Variants in ELOVL5 observed in about 807,000 individuals in gnomAD.
The protein encoded by ELOVL5 is very long chain fatty acid elongase 5.
In ELOVL5, 8 loss-of-function variants were observed where a neutral mutation model predicts 38.6. The observed-to-expected ratio is 0.21, with a 90% CI of 0.12 to 0.37. The LOEUF is 0.37. Ranked by LOEUF, ELOVL5 falls within the 10% of genes least tolerant of loss-of-function variation. The pLI is 1.00. For synonymous variants in ELOVL5, 127 were observed against 133.7 expected (o/e 0.95, Z 0.34); for missense variants, 280 against 367.8 (o/e 0.76, Z 1.95).
chr6:53,304,291 C>A (rs2127579245), intron 1 of ELOVL5, among the ~76,000 whole-genome samples: 1 of 152,312 alleles, frequency 6.6e-6, no homozygotes, highest in South Asian at 2.1e-4. Context: ...GGAAAACTTT[C>A]TCAGTGCTAG....
At chr6:53,284,053 C>T (rs114335749) in intron 3 of ELOVL5, among the ~76,000 whole-genome samples, 1,755 of 151,256 alleles carry the variant, frequency 0.012, 33 homozygotes, top group African/African-American at 0.039. Context: ...CGCCTGTAAT[C>T]CTAGTGCTTT....
intron 1 of ELOVL5, among the ~76,000 whole-genome samples, chr6:53,334,982 C>CTAGCAGCTAGCA (rs1223878048): frequency 4.6e-5 from 7 of 152,200 alleles, no homozygotes; most frequent in Non-Finnish European, 8.8e-5. Flanking sequence ...TGGTGCTGCT[C>CTAGCAGCTAGCA]CACAGCTAGC....
At chr6:53,280,677 C>A (rs1766315454) in intron 3 of ELOVL5, among the ~76,000 whole-genome samples, 1 of 152,206 alleles carries the variant, frequency 6.6e-6, no homozygotes, top group African/African-American at 2.4e-5. Context: ...ACTGCAACCT[C>A]CACTTCCTGG....
At chr6:53,296,637 T>C (rs1270319874) in intron 1 of ELOVL5, among the ~76,000 whole-genome samples, 1 of 152,204 alleles carries the variant, frequency 6.6e-6, no homozygotes, top group Non-Finnish European at 1.5e-5. Flanking sequence ...TATTTTCACT[T>C]AATAAAACAT....
intron 1 of ELOVL5, among the ~76,000 whole-genome samples, chr6:53,331,356 A>T (rs1160051118): frequency 6.6e-6 from 1 of 152,224 alleles, no homozygotes; most frequent in African/African-American, 2.4e-5. Flanking sequence ...TTTTTAAATG[A>T]TAAAAAGTAC....
intron 2 of ELOVL5, among the ~76,000 whole-genome samples, chr6:53,295,400 A>G (rs1027281743): frequency 6.6e-6 from 1 of 152,218 alleles, no homozygotes; most frequent in Non-Finnish European, 1.5e-5. Flanking sequence ...TGAAATCTAT[A>G]GTATTCTCAG....
intron 1 of ELOVL5, among the ~76,000 whole-genome samples, chr6:53,341,902 C>A (rs376794742): frequency 2.3e-4 from 35 of 152,280 alleles, no homozygotes; most frequent in African/African-American, 7.9e-4. Flanking sequence ...AGGATTATCA[C>A]CTTCCAAGTT....
chr6:53,290,296 T>C (rs1766725604), intron 3 of ELOVL5: 1 of 152,282 alleles, frequency 6.6e-6, no homozygotes, highest in Admixed American at 6.5e-5. Flanking sequence ...AATATTTTTC[T>C]CTATTAATAT....
chr6:53,342,839 C>T, intron 1 of ELOVL5, among the ~76,000 whole-genome samples: 1 of 152,174 alleles, frequency 6.6e-6, no homozygotes, highest in Non-Finnish European at 1.5e-5. Flanking sequence ...CTGTACTTCA[C>T]ACAGAACTGG....
At chr6:53,348,139 C>T (rs1045198015) in intron 1 of ELOVL5, among the ~76,000 whole-genome samples, 1 of 152,104 alleles carries the variant, frequency 6.6e-6, no homozygotes, top group Admixed American at 6.5e-5. Flanking sequence ...TTCCCACCAG[C>T]CTCATCCCTC....
chr6:53,340,091 A>T (rs1287312089), intron 1 of ELOVL5, among the ~76,000 whole-genome samples: 2 of 152,208 alleles, frequency 1.3e-5, no homozygotes, highest in African/African-American at 4.8e-5. Context: ...GAATAAGGAT[A>T]CGAAGAAATA....
intron 1 of ELOVL5, among the ~76,000 whole-genome samples, chr6:53,328,888 G>A (rs776293020): frequency 6.6e-6 from 1 of 152,144 alleles, no homozygotes; most frequent in Non-Finnish European, 1.5e-5. Flanking sequence ...TTACCACAGA[G>A]CACTAAAGCA....
intron 3 of ELOVL5, among the ~76,000 whole-genome samples, chr6:53,279,916 G>A (rs1037930628): frequency 6.6e-6 from 1 of 152,190 alleles, no homozygotes; most frequent in Non-Finnish European, 1.5e-5. Context: ...ATCCCCCTCA[G>A]AGGATAGCAA....
intron 1 of ELOVL5, among the ~76,000 whole-genome samples, chr6:53,314,909 A>C (rs1025614518): frequency 7.2e-5 from 11 of 152,218 alleles, no homozygotes; most frequent in African/African-American, 2.4e-4. Flanking sequence ...TATTTGAAGA[A>C]AATTAATGTA....
At chr6:53,346,087 G>A (rs559007815) in intron 1 of ELOVL5, among the ~76,000 whole-genome samples, 3 of 152,176 alleles carry the variant, frequency 2.0e-5, no homozygotes, top group East Asian at 3.9e-4. Context: ...ATAGGCCCGG[G>A]TGTGTGATGT....
chr6:53,348,420 T>G (rs1043994171), intron 1 of ELOVL5, among the ~76,000 whole-genome samples: 3 of 151,360 alleles, frequency 2.0e-5, no homozygotes, highest in African/African-American at 7.3e-5. Context: ...CGCCGCGCGC[T>G]CCGGCCCGCA....
At chr6:53,330,517 C>CTTTTTTTTTTTTT (rs757160862) in intron 1 of ELOVL5, among the ~76,000 whole-genome samples, 2 of 91,394 alleles carry the variant, frequency 2.2e-5, no homozygotes, top group Non-Finnish European at 2.0e-5. Context: ...TCTTTATAAA[C>CTTTTTTTTTTTTT]TTTTTTTTTT....
chr6:53,322,459 G>A (rs577643626), intron 1 of ELOVL5, among the ~76,000 whole-genome samples: 27 of 152,292 alleles, frequency 1.8e-4, no homozygotes, highest in African/African-American at 6.0e-4. Flanking sequence ...CCAATCCCAT[G>A]CGGAGGCACT....
intron 1 of ELOVL5, among the ~76,000 whole-genome samples, chr6:53,327,368 T>C (rs1422463558): frequency 6.6e-6 from 1 of 152,164 alleles, no homozygotes; most frequent in Admixed American, 6.5e-5. Context: ...TGGTCACTCT[T>C]CACATGCTAC....
Sources: gnomAD v4.1 joint callset for allele counts (sites outside exome capture counted in the v4.1 genomes callset) on GRCh38, gnomAD v4.1.1 for gene constraint, MANE v1.5 for transcripts, NCBI Gene and HGNC (gene_info 2026-07-23, HGNC 2026-07-21) for gene names.